The following FOXP2 variants were observed in gnomAD, a reference collection of about 807,000 sequenced individuals.
FOXP2 encodes the protein forkhead box P2, also known as forkhead box protein P2.
A neutral mutation model predicts 115.8 loss-of-function variants in FOXP2; 12 were observed. The ratio of observed to expected loss-of-function variants is 0.10; its 90% CI spans 0.07 to 0.17. The LOEUF (loss-of-function observed/expected upper bound fraction) is 0.17, where lower values mean the gene tolerates loss of function less well. Ranked by LOEUF, FOXP2 falls within the 10% of genes least tolerant of loss-of-function variation. FOXP2 has a pLI of 1.00. For synonymous variants in FOXP2, 328 were observed against 297.7 expected, an observed-to-expected ratio of 1.10 and a Z score of -1.05; for missense variants, 629 against 843.5, an observed-to-expected ratio of 0.75 and a Z score of 3.15.
chr7:114,648,212 A>G (rs1760592460), intron 8 of FOXP2, among the ~76,000 whole-genome samples: 2 of 152,034 alleles, frequency 1.3e-5, no homozygotes, highest in Non-Finnish European at 2.9e-5. Flanking sequence ...CAAAATTATG[A>G]CCTCAAGAAG....
chr7:114,208,974 G>A (rs1038097794), intron 1 of FOXP2, among the ~76,000 whole-genome samples: 1 of 152,088 alleles, frequency 6.6e-6, no homozygotes, highest in African/African-American at 2.4e-5. Context: ...GTTTTGATTT[G>A]TGAGTAGAGG....
intron 2 of FOXP2, among the ~76,000 whole-genome samples, chr7:114,310,282 G>A (rs1797116818): frequency 6.6e-6 from 1 of 152,170 alleles, no homozygotes; most frequent in African/African-American, 2.4e-5. Context: ...TCCCCCAGAG[G>A]GGTAGCTGCC....
At chr7:114,375,129 G>A (rs963549089) in intron 2 of FOXP2, among the ~76,000 whole-genome samples, 1 of 152,100 alleles carries the variant, frequency 6.6e-6, no homozygotes, top group African/African-American at 2.4e-5. Flanking sequence ...TGAAACTAGA[G>A]TATAGGTTTT....
intron 1 of FOXP2, among the ~76,000 whole-genome samples, chr7:114,123,420 C>CT (rs1269365073): frequency 6.6e-6 from 1 of 150,880 alleles, no homozygotes; most frequent in Non-Finnish European, 1.5e-5. Flanking sequence ...GGTTTTGCCA[C>CT]TTTTTGTGTG....
intron 2 of FOXP2, among the ~76,000 whole-genome samples, chr7:114,484,910 G>T (rs1030438792): frequency 3.3e-5 from 5 of 151,518 alleles, no homozygotes; most frequent in African/African-American, 7.3e-5. Flanking sequence ...TTTAAAATTG[G>T]TATTGGTTGG....
chr7:114,364,968 T>C (rs1448737676), intron 2 of FOXP2, among the ~76,000 whole-genome samples: 1 of 152,168 alleles, frequency 6.6e-6, no homozygotes, highest in Non-Finnish European at 1.5e-5. Context: ...TTCAGTACTT[T>C]CAAAAAGGGT....
At chr7:114,560,652 A>G (rs1156417296) in intron 3 of FOXP2, among the ~76,000 whole-genome samples, 1 of 152,156 alleles carries the variant, frequency 6.6e-6, no homozygotes, top group Non-Finnish European at 1.5e-5. Flanking sequence ...AAATTATAAT[A>G]GCAATTTTTA....
chr7:114,269,411 A>G (rs907326904), intron 1 of FOXP2, among the ~76,000 whole-genome samples: 6 of 152,070 alleles, frequency 3.9e-5, no homozygotes, highest in Non-Finnish European at 7.4e-5. Flanking sequence ...AGTACATGCT[A>G]TTCTTGAATT....
chr7:114,373,638 C>G (rs1390383159), intron 2 of FOXP2, among the ~76,000 whole-genome samples: 1 of 152,164 alleles, frequency 6.6e-6, no homozygotes, highest in Admixed American at 6.5e-5. Flanking sequence ...CAATATCAAC[C>G]TTTCCTTGTA....
At chr7:114,684,991 ATTTT>A (rs762478566) in intron 16 of FOXP2, among the ~76,000 whole-genome samples, 1 of 145,186 alleles carries the variant, frequency 6.9e-6, no homozygotes, top group East Asian at 2.0e-4. Flanking sequence ...CAGTTGGTTG[ATTTT>A]TTTTTTTTTA....
intron 6 of FOXP2, among the ~76,000 whole-genome samples, chr7:114,634,944 T>A (rs935197265): frequency 2.6e-5 from 4 of 152,130 alleles, no homozygotes; most frequent in Non-Finnish European, 1.5e-5. Flanking sequence ...TTTCTGTCAC[T>A]CCAAGTTTTT....
chr7:114,576,574 A>C (rs1331505058), intron 3 of FOXP2, among the ~76,000 whole-genome samples: 1 of 151,898 alleles, frequency 6.6e-6, no homozygotes, highest in Non-Finnish European at 1.5e-5. Flanking sequence ...TTATTTAGTC[A>C]GTGGTTTTGT....
chr7:114,313,255 T>C (rs1797189468), intron 2 of FOXP2, among the ~76,000 whole-genome samples: 3 of 152,208 alleles, frequency 2.0e-5, no homozygotes, highest in African/African-American at 4.8e-5. Context: ...GGCTCTTCTG[T>C]GATGAATTAT....
chr7:114,382,626 C>A (rs868726254), intron 2 of FOXP2, among the ~76,000 whole-genome samples: 1 of 151,934 alleles, frequency 6.6e-6, no homozygotes, highest in Non-Finnish European at 1.5e-5. Context: ...TCCCATTTTG[C>A]CTGCTCCTCC....
At chr7:114,095,690 G>A (rs1034812035) in intron 1 of FOXP2, among the ~76,000 whole-genome samples, 8 of 152,168 alleles carry the variant, frequency 5.3e-5, no homozygotes, top group Non-Finnish European at 1.5e-5. Context: ...ACAATGTTGT[G>A]TTGGTCCTGT....
intron 2 of FOXP2, among the ~76,000 whole-genome samples, chr7:114,472,203 A>C (rs1357226049): frequency 1.3e-5 from 2 of 152,102 alleles, no homozygotes; most frequent in East Asian, 3.9e-4. Flanking sequence ...AGCCCCTTGA[A>C]CTTTTAAAGT....
At chr7:114,469,612 G>A (rs761471743) in intron 2 of FOXP2, among the ~76,000 whole-genome samples, 2 of 152,144 alleles carry the variant, frequency 1.3e-5, no homozygotes, top group Non-Finnish European at 2.9e-5. Context: ...AAGTTGATGT[G>A]TTGATAAAAT....
chr7:114,443,744 G>A (rs1223557466), intron 2 of FOXP2, among the ~76,000 whole-genome samples: 2 of 152,116 alleles, frequency 1.3e-5, no homozygotes, highest in African/African-American at 4.8e-5. Context: ...TGCTGCAGAG[G>A]ACATGATCTC....
intron 1 of FOXP2, among the ~76,000 whole-genome samples, chr7:114,276,904 A>G (rs564915357): frequency 6.6e-6 from 1 of 152,352 alleles, no homozygotes; most frequent in South Asian, 2.1e-4. Flanking sequence ...AACACACTGT[A>G]TCTCGACATC....
Sources: allele counts gnomAD v4.1 joint callset (sites outside exome capture counted in the v4.1 genomes callset), GRCh38; gene constraint gnomAD v4.1.1; transcripts MANE v1.5; gene names NCBI Gene and HGNC (gene_info 2026-07-23, HGNC 2026-07-21).